Variants in CRACD observed in about 807,000 individuals in gnomAD.
CRACD encodes capping protein-inhibiting regulator of actin dynamics.
CRACD carries 56 observed loss-of-function variants against 106.8 expected under a neutral mutation model. The ratio of observed to expected loss-of-function variants is 0.52; its 90% CI spans 0.42 to 0.66. The LOEUF is 0.66. CRACD is among the 30% of genes least tolerant of loss of function. CRACD has a pLI of 0.00. For synonymous variants in CRACD, 754 were observed against 670.8 expected (o/e 1.12, Z -1.92); for missense variants, 1,730 against 1,623.2 (o/e 1.07, Z -1.13).
chr4:56,326,157 C>G (rs573291324), intron 10 of CRACD, among the ~76,000 whole-genome samples: 1 of 152,176 alleles, frequency 6.6e-6, no homozygotes, highest in South Asian at 2.1e-4. Flanking sequence ...AGTGATCCGC[C>G]CACCTCGGCC....
intron 5 of CRACD, chr4:56,308,879 C>T: frequency 7.8e-7 from 1 of 1,288,926 alleles, no homozygotes. Context: ...TTGATGAGCT[C>T]ATAAGTGCTG....
chr4:56,307,628 G>T lies in CRACD; in HGVS notation c.214G>T (p.Asp72Tyr), dbSNP rs1166447183. The stretch of plus-strand genomic sequence containing the variant: ...CAGTGGAGAGGCTAGCTTAGAAGAG[G>T]ATCTGTTCCTGACCAGTCCCATGGA... Reference protein sequence around the residue: ...ANSGEASLEEDLFLTSPMEIV... With the variant: ...ANSGEASLEEYLFLTSPMEIV... The change falls in exon 5 of 11, where the codon GAT becomes TAT. Residue 72 changes from aspartate to tyrosine, a missense_variant. This residue lies in a region of CRACD where 1,620 missense variants were observed against 1,481.6 expected (regional missense o/e 1.09). Transcript: ENST00000682029. 10 of 1,614,072 alleles carry T rather than the reference G, an allele frequency of 6.2e-6. No homozygotes were observed. The Admixed American group carries it at 1.7e-4, about 27-fold the overall frequency.
intron 3 of CRACD, among the ~76,000 whole-genome samples, chr4:56,277,105 G>C (rs956305896): frequency 6.6e-6 from 1 of 152,120 alleles, no homozygotes; most frequent in African/African-American, 2.4e-5. Flanking sequence ...GAAGGAAGAT[G>C]ACAAATAGAA....
At chr4:56,237,081 AT>A (rs1740019703) in intron 2 of CRACD, among the ~76,000 whole-genome samples, 1 of 152,182 alleles carries the variant, frequency 6.6e-6, no homozygotes, top group Admixed American at 6.6e-5. Flanking sequence ...CCTAAGATGT[AT>A]GAACATCTTT....
At chr4:56,192,177 C>T (rs778977733) in intron 2 of CRACD, among the ~76,000 whole-genome samples, 94 of 152,138 alleles carry the variant, frequency 6.2e-4, no homozygotes, top group Non-Finnish European at 9.7e-4. Flanking sequence ...GGATCACCTG[C>T]GGTCAGGAGT....
chr4:56,228,518 G>T (rs73240534), intron 2 of CRACD, among the ~76,000 whole-genome samples: 31,907 of 150,586 alleles, frequency 0.21, 3,783 homozygotes, highest in Non-Finnish European at 0.27. Flanking sequence ...TCCCATAATC[G>T]CAGCACTTTG....
At chr4:56,267,390 G>C (rs1037067285) in intron 2 of CRACD, among the ~76,000 whole-genome samples, 1 of 152,144 alleles carries the variant, frequency 6.6e-6, no homozygotes, top group African/African-American at 2.4e-5. Flanking sequence ...GCAAAGTGCC[G>C]GGATTACAGG....
intron 1 of CRACD, among the ~76,000 whole-genome samples, chr4:56,061,956 G>C (rs953229932): frequency 1.8e-4 from 28 of 152,306 alleles, no homozygotes; most frequent in African/African-American, 6.7e-4. Flanking sequence ...TTGTTGATGG[G>C]CAGAATCTTT....
In CRACD at chr4:56,188,945, G is replaced by A. The variant is rs572990536; in HGVS notation, c.-189+9515G>A. On this transcript the variant is annotated intron_variant, in intron 2 of 10. Transcript: ENST00000682029. ...CCAGTACTTCGGAAGGCCGAAGCGGGTGGATCACTTAAGAATGTGCATCAC... is the reference window on the plus strand; with the variant it reads ...CCAGTACTTCGGAAGGCCGAAGCGGATGGATCACTTAAGAATGTGCATCAC... Among the ~76,000 whole-genome samples the A allele has an allele frequency of 1.2e-3, 189 of 152,190 alleles. 1 individual carries two copies. The highest frequency in any genetic ancestry group is 1.8e-4 in the Non-Finnish European group (12 of 68,006).
At chr4:56,116,923 G>T (rs1021560252) in intron 1 of CRACD, among the ~76,000 whole-genome samples, 2 of 151,170 alleles carry the variant, frequency 1.3e-5, no homozygotes, top group East Asian at 2.0e-4. Flanking sequence ...GGCCCGGCTG[G>T]TCTCGAACTC....
At chr4:56,184,197 A>G (rs960250638) in intron 2 of CRACD, among the ~76,000 whole-genome samples, 4 of 152,118 alleles carry the variant, frequency 2.6e-5, no homozygotes, top group Non-Finnish European at 5.9e-5. Context: ...CAGCCTCCCG[A>G]GTAGCTGGGA....
intron 1 of CRACD, among the ~76,000 whole-genome samples, chr4:56,074,854 C>G (rs978685310): frequency 6.6e-6 from 1 of 152,002 alleles, no homozygotes; most frequent in Non-Finnish European, 1.5e-5. Flanking sequence ...TTTTGAGATA[C>G]GTTCCATCAA....
intron 2 of CRACD, among the ~76,000 whole-genome samples, chr4:56,191,428 CCTCT>C: frequency 6.6e-6 from 1 of 152,102 alleles, no homozygotes; most frequent in East Asian, 1.9e-4. Context: ...TGTCTCCCTC[CCTCT>C]CTCTCTGTGA....
At chr4:56,139,470 G>T (rs1468101907) in intron 1 of CRACD, among the ~76,000 whole-genome samples, 1 of 152,192 alleles carries the variant, frequency 6.6e-6, no homozygotes, top group Non-Finnish European at 1.5e-5. Flanking sequence ...AGGAGAAAAG[G>T]TTATTAAACC....
intron 2 of CRACD, among the ~76,000 whole-genome samples, chr4:56,193,216 T>A (rs2169918): frequency 6.6e-6 from 1 of 151,952 alleles, no homozygotes; most frequent in East Asian, 1.9e-4. Flanking sequence ...TTCATTATCA[T>A]GAGAACAGCA....
chr4:56,241,311 A>T (rs747957189), intron 2 of CRACD, among the ~76,000 whole-genome samples: 2 of 152,080 alleles, frequency 1.3e-5, no homozygotes, highest in Non-Finnish European at 2.9e-5. Context: ...TCTGACCATC[A>T]ATCAGTGGTT....
intron 2 of CRACD, among the ~76,000 whole-genome samples, chr4:56,249,558 A>G (rs35668304): frequency 1.7e-3 from 259 of 152,160 alleles, no homozygotes; most frequent in Non-Finnish European, 3.0e-3. Context: ...TTCTTTTTCA[A>G]TGCATTATTT....
At chr4:56,307,389 C>A in intron 4 of CRACD, 146 bp from the exon 5 acceptor site, 1 of 633,638 alleles carries the variant, frequency 1.6e-6, no homozygotes, top group Non-Finnish European at 2.6e-6. Flanking sequence ...AGGATGGCAT[C>A]ATGGTTTCCT....
At chr4:56,064,868 C>T (rs1732405673) in intron 1 of CRACD, among the ~76,000 whole-genome samples, 2 of 152,242 alleles carry the variant, frequency 1.3e-5, no homozygotes, top group South Asian at 4.1e-4. Flanking sequence ...CCCCAAAATA[C>T]AGTGCCCTCT....
Sources: allele counts gnomAD v4.1 joint callset (sites outside exome capture counted in the v4.1 genomes callset), GRCh38; gene constraint gnomAD v4.1.1; regional missense constraint gnomAD v4.1.1; transcripts MANE v1.5; gene names NCBI Gene and HGNC (gene_info 2026-07-23, HGNC 2026-07-21).